Variants in ASPH observed in about 807,000 individuals in gnomAD.
ASPH encodes the protein aspartate beta-hydroxylase.
In ASPH, 100 loss-of-function variants were observed where a neutral mutation model predicts 118.4. The ratio of observed to expected loss-of-function variants is 0.84; its 90% CI spans 0.72 to 1.00. ASPH has a LOEUF of 1.00. Ranked by LOEUF, ASPH falls within the 50% of genes least tolerant of loss-of-function variation. The pLI is 0.00. For missense variants in ASPH, 920 were observed against 919.5 expected, an observed-to-expected ratio of 1.00 and a Z score of -0.01; for synonymous variants, 315 against 325.6, an observed-to-expected ratio of 0.97 and a Z score of 0.35.
At chr8:61,511,670 C>T (rs1323726619) in intron 24 of ASPH, among the ~76,000 whole-genome samples, 1 of 152,186 alleles carries the variant, frequency 6.6e-6, no homozygotes, top group Non-Finnish European at 1.5e-5. Flanking sequence ...ATGGTGTGAT[C>T]TCAGCTCACT....
chr8:61,697,849 T>G (rs1834292883), intron 1 of ASPH, among the ~76,000 whole-genome samples: 1 of 152,180 alleles, frequency 6.6e-6, no homozygotes, highest in Non-Finnish European at 1.5e-5. Context: ...AGTGCAGTAG[T>G]GCAATCAGAG....
chr8:61,663,964 A>T (rs1818217872), intron 3 of ASPH: 7 of 871,248 alleles, frequency 8.0e-6, no homozygotes, highest in African/African-American at 1.8e-5. Flanking sequence ...CGTTTTTAAG[A>T]TCTTCATAAA....
chr8:61,532,795 C>G (rs1039550659), intron 21 of ASPH, among the ~76,000 whole-genome samples: 1 of 152,176 alleles, frequency 6.6e-6, no homozygotes, highest in African/African-American at 2.4e-5. Context: ...GTTTGGAGAT[C>G]TGACTCTGCC....
chr8:61,698,104 C>T (rs1484716129), intron 1 of ASPH, among the ~76,000 whole-genome samples: 1 of 152,172 alleles, frequency 6.6e-6, no homozygotes, highest in African/African-American at 2.4e-5. Context: ...ACCTGGCTGA[C>T]AAATTAAATT....
At chr8:61,592,156 G>T (rs1241092402) in intron 14 of ASPH, among the ~76,000 whole-genome samples, 1 of 152,108 alleles carries the variant, frequency 6.6e-6, no homozygotes, top group Non-Finnish European at 1.5e-5. Flanking sequence ...TCCACGAAAT[G>T]GGGATAATAT....
chr8:61,511,661 T>C (rs1051280543), intron 24 of ASPH, among the ~76,000 whole-genome samples: 3 of 152,244 alleles, frequency 2.0e-5, no homozygotes, highest in Non-Finnish European at 4.4e-5. Flanking sequence ...TGGAGTTCAA[T>C]GGTGTGATCT....
chr8:61,565,233 G>GT (rs1039489418), intron 17 of ASPH, among the ~76,000 whole-genome samples: 13 of 150,638 alleles, frequency 8.6e-5, no homozygotes, highest in Admixed American at 1.3e-4. Flanking sequence ...TTTACTTCAT[G>GT]TTTTTTTTTC....
chr8:61,557,317 C>T (rs956185391), intron 18 of ASPH, among the ~76,000 whole-genome samples: 54 of 152,092 alleles, frequency 3.6e-4, no homozygotes, highest in African/African-American at 1.2e-3. Flanking sequence ...TTGCTCTGGC[C>T]TCCTCTCCTG....
chr8:61,625,761 A>G, intron 13 of ASPH: 1 of 985,614 alleles, frequency 1.0e-6, no homozygotes, highest in Non-Finnish European at 1.2e-6. Context: ...TACAACTCAA[A>G]TCTTCACAGC....
chr8:61,598,127 C>T (rs1056242373), intron 14 of ASPH, among the ~76,000 whole-genome samples: 12 of 152,114 alleles, frequency 7.9e-5, no homozygotes, highest in African/African-American at 2.4e-4. Context: ...AAGTCCTCAC[C>T]TATCAATAGT....
rs189011429 is a variant in ASPH, at chr8:61,509,963, C to T, written c.2127-6454G>A. On this transcript the variant is annotated intron_variant, in intron 24 of 24. Coordinates refer to ENST00000379454, the MANE Select transcript of ASPH (RefSeq NM_004318.4). ...CTCCTCCTTCCTAACTCCTTAAAGTCCCTTCCCCCATCGCTGTCAAAGTAC... is the reference window on the plus strand; with the variant it reads ...CTCCTCCTTCCTAACTCCTTAAAGTTCCTTCCCCCATCGCTGTCAAAGTAC... Among the ~76,000 whole-genome samples the T allele has an allele frequency of 5.4e-4, 82 of 152,192 alleles. No individual in the cohort carries two copies. In the East Asian group the frequency reaches 7.0e-3, roughly 13 times the overall value.
intron 22 of ASPH, among the ~76,000 whole-genome samples, chr8:61,524,258 C>A (rs1407746924): frequency 6.6e-6 from 1 of 151,852 alleles, no homozygotes; most frequent in Non-Finnish European, 1.5e-5. Context: ...GGAATACATC[C>A]AAACCTGTAA....
rs926698330 is a variant in ASPH, at chr8:61,551,959, A to G, written c.1626+1072T>C. On this transcript the variant is annotated intron_variant, in intron 20 of 24. Coordinates refer to ENST00000379454, the MANE Select transcript of ASPH (RefSeq NM_004318.4). The stretch of plus-strand genomic sequence containing the variant: ...ATAAATAGACATGTATAAATCAAAA[A>G]TTGTCAATTATCTGAACCTCTAGTA... Among the ~76,000 whole-genome samples the G allele has an allele frequency of 2.0e-5, 3 of 152,346 alleles. No individual in the cohort carries two copies. The East Asian group carries it at 5.8e-4, about 29-fold the overall frequency.
intron 16 of ASPH, among the ~76,000 whole-genome samples, chr8:61,569,388 ATGTTTATGT>A (rs1230546870): frequency 6.6e-6 from 1 of 152,108 alleles, no homozygotes; most frequent in African/African-American, 2.4e-5. Flanking sequence ...ATATTTAAAC[ATGTTTATGT>A]TGTTAAAATG....
At chr8:61,530,878 C>G (rs1817325622) in intron 21 of ASPH, among the ~76,000 whole-genome samples, 2 of 152,092 alleles carry the variant, frequency 1.3e-5, no homozygotes, top group Non-Finnish European at 2.9e-5. Flanking sequence ...TATTGCTATT[C>G]TTGATTTATT....
Position 61,562,734 on chromosome 8 carries a change from T to G in ASPH, c.1437+10A>C. ...TAATTTGACGTAGTTAATACAAGAT[T>G]GATGCTTACCTCTTCATAAACTTTC... On this transcript the variant is annotated intron_variant, in intron 18 of 24. Transcript: ENST00000379454. 2 of 1,598,686 alleles carry G rather than the reference T, an allele frequency of 1.3e-6. No homozygotes were observed. The highest frequency in any genetic ancestry group is 1.7e-6 in the Non-Finnish European group (2 of 1,174,142).
At position 61,714,261 on chromosome 8, in the gene ASPH, C is replaced by T; in HGVS notation, c.103+8G>A. On this transcript the variant is annotated splice_region_variant and intron_variant, in intron 1 of 24. Coordinates refer to ENST00000379454, the MANE Select transcript of ASPH (RefSeq NM_004318.4). Reference sequence around the variant, plus strand: ...GGCCCCAGATCCCCGCCCCGCAGGGCCTCTGACCTCTCCGGGCCCCGGGGC... The same window carrying T: ...GGCCCCAGATCCCCGCCCCGCAGGGTCTCTGACCTCTCCGGGCCCCGGGGC... 1 of 1,508,610 alleles carries T rather than the reference C, an allele frequency of 6.6e-7. No homozygotes were observed. The highest frequency in any genetic ancestry group is 8.8e-7 in the Non-Finnish European group (1 of 1,132,468). 93.5% of individuals were successfully genotyped at this position (1,508,610 alleles called of 1,614,324 possible).
At chr8:61,563,481 C>T (rs1403698525) in intron 17 of ASPH, among the ~76,000 whole-genome samples, 1 of 152,100 alleles carries the variant, frequency 6.6e-6, no homozygotes, top group Non-Finnish European at 1.5e-5. Flanking sequence ...ATGAAAAAAC[C>T]CAGCTTCAAT....
At chr8:61,687,511 T>A (rs996981836) in intron 1 of ASPH, 3 of 152,156 alleles carry the variant, frequency 2.0e-5, no homozygotes, top group African/African-American at 7.2e-5. Flanking sequence ...TCTAACCCAA[T>A]GAGTCAAAGC....
Sources: gnomAD v4.1 joint callset for allele counts (sites outside exome capture counted in the v4.1 genomes callset) on GRCh38, gnomAD v4.1.1 for gene constraint, MANE v1.5 for transcripts, NCBI Gene and HGNC (gene_info 2026-07-23, HGNC 2026-07-21) for gene names.